Variants in CPQ observed in about 807,000 individuals in gnomAD.
CPQ encodes the protein Ser-Met dipeptidase.
A neutral mutation model predicts 45.7 loss-of-function variants in CPQ; 37 were observed. The observed-to-expected ratio is 0.81, with a 90% confidence interval of 0.62 to 1.07. The LOEUF (loss-of-function observed/expected upper bound fraction) is 1.07. Among genes scored for constraint, CPQ ranks in the 50% least tolerant of loss-of-function variants. CPQ has a pLI of 0.00. For synonymous variants in CPQ, 186 were observed against 205.8 expected (o/e 0.90, Z 0.82); for missense variants, 537 against 572.9 (o/e 0.94, Z 0.64).
intron 4 of CPQ, among the ~76,000 whole-genome samples, chr8:96,925,631 C>T (rs1268797500): frequency 6.6e-6 from 1 of 151,996 alleles, no homozygotes; most frequent in Non-Finnish European, 1.5e-5. Context: ...GATCTGCCCG[C>T]CTTGGCCTCC....
intron 5 of CPQ, among the ~76,000 whole-genome samples, chr8:96,997,395 ATAGCCTATTCATTT>A (rs1370419197): frequency 6.6e-6 from 1 of 152,008 alleles, no homozygotes; most frequent in Non-Finnish European, 1.5e-5. Context: ...ACTGTGTAAC[ATAGCCTATTCATTT>A]CAGCTACAAA....
At chr8:96,831,387 A>T (rs1414624514) in intron 2 of CPQ, among the ~76,000 whole-genome samples, 1 of 152,258 alleles carries the variant, frequency 6.6e-6, no homozygotes, top group South Asian at 2.1e-4. Context: ...GAGAGTTGCA[A>T]TTATTAATAG....
intron 1 of CPQ, among the ~76,000 whole-genome samples, chr8:96,706,315 T>C (rs934403066): frequency 2.6e-5 from 4 of 152,180 alleles, no homozygotes; most frequent in Non-Finnish European, 2.9e-5. Context: ...GTGTCTATTA[T>C]ACTGTGTGTT....
At chr8:96,947,688 T>G (rs964386918) in intron 4 of CPQ, among the ~76,000 whole-genome samples, 3 of 152,150 alleles carry the variant, frequency 2.0e-5, no homozygotes, top group Non-Finnish European at 4.4e-5. Flanking sequence ...AAATGCATTT[T>G]AAAACTTTTT....
chr8:96,917,393 C>A (rs1264008807), intron 4 of CPQ, among the ~76,000 whole-genome samples: 1 of 152,062 alleles, frequency 6.6e-6, no homozygotes, highest in African/African-American at 2.4e-5. Context: ...CCATTGGGAA[C>A]TCTTTCAGTG....
chr8:96,922,257 C>T (rs1812819434), intron 4 of CPQ, among the ~76,000 whole-genome samples: 1 of 152,168 alleles, frequency 6.6e-6, no homozygotes, highest in Non-Finnish European at 1.5e-5. Flanking sequence ...TATGACAACT[C>T]ATTCCTCCCA....
intron 1 of CPQ, among the ~76,000 whole-genome samples, chr8:96,737,812 ATCT>A (rs1197758980): frequency 1.3e-5 from 2 of 152,136 alleles, no homozygotes; most frequent in Non-Finnish European, 2.9e-5. Context: ...AAGGCTATAA[ATCT>A]TCTTTTACTT....
At chr8:96,732,882 G>A (rs1053369219) in intron 1 of CPQ, among the ~76,000 whole-genome samples, 2 of 152,056 alleles carry the variant, frequency 1.3e-5, no homozygotes, top group African/African-American at 2.4e-5. Context: ...TTAGAATTTC[G>A]TATTCTGAAG....
chr8:96,968,182 T>TTAAG (rs1207296443), intron 5 of CPQ, among the ~76,000 whole-genome samples: 1 of 152,196 alleles, frequency 6.6e-6, no homozygotes, highest in Non-Finnish European at 1.5e-5. Context: ...CCTTTACTAC[T>TTAAG]TAAGTCACCA....
At chr8:96,871,661 C>T (rs757239702) in intron 3 of CPQ, among the ~76,000 whole-genome samples, 16 of 150,852 alleles carry the variant, frequency 1.1e-4, no homozygotes, top group South Asian at 2.1e-4. Flanking sequence ...TCTCAAAGAA[C>T]CCAATGAATA....
chr8:97,098,723 G>A (rs1281267522), intron 7 of CPQ, among the ~76,000 whole-genome samples: 4 of 152,072 alleles, frequency 2.6e-5, no homozygotes, highest in Non-Finnish European at 4.4e-5. Context: ...ATACACCTCT[G>A]GAGGAAGTCT....
chr8:96,688,533 G>A (rs999090281), intron 1 of CPQ, among the ~76,000 whole-genome samples: 1 of 152,018 alleles, frequency 6.6e-6, no homozygotes, highest in African/African-American at 2.4e-5. Flanking sequence ...TGTATTTTCT[G>A]ATTTGGAAGA....
At chr8:96,678,130 G>T (rs1201765328) in intron 1 of CPQ, among the ~76,000 whole-genome samples, 3 of 151,966 alleles carry the variant, frequency 2.0e-5, no homozygotes, top group Admixed American at 2.0e-4. Context: ...TGTTCTTTTT[G>T]CTTATCTTGC....
intron 4 of CPQ, among the ~76,000 whole-genome samples, chr8:96,944,323 C>A (rs1479090869): frequency 1.3e-5 from 2 of 152,110 alleles, no homozygotes; most frequent in Non-Finnish European, 2.9e-5. Context: ...AAGTCCCCTC[C>A]AGGCAGTTCT....
chr8:96,646,433 A>C (rs1267211755), intron 1 of CPQ, among the ~76,000 whole-genome samples: 2 of 152,294 alleles, frequency 1.3e-5, no homozygotes, highest in Non-Finnish European at 2.9e-5. Flanking sequence ...CTTGTTTGTA[A>C]AACCAGGCTT....
intron 1 of CPQ, among the ~76,000 whole-genome samples, chr8:96,667,433 C>T (rs937242385): frequency 6.6e-6 from 1 of 151,192 alleles, no homozygotes; most frequent in African/African-American, 2.4e-5. Context: ...ACTGCAACCT[C>T]CGCCTCCCGG....
At chr8:96,785,720 A>G (rs1256099682) in intron 2 of CPQ, among the ~76,000 whole-genome samples, 1 of 152,214 alleles carries the variant, frequency 6.6e-6, no homozygotes, top group Non-Finnish European at 1.5e-5. Flanking sequence ...GAAATAGAGA[A>G]TAGAACTTTG....
intron 3 of CPQ, among the ~76,000 whole-genome samples, chr8:96,849,341 G>T (rs528364056): frequency 1.1e-4 from 17 of 152,208 alleles, no homozygotes; most frequent in Non-Finnish European, 2.2e-4. Context: ...GCATTTTCCA[G>T]TGACTGGCTT....
chr8:96,788,694 A>G (rs1228383999), intron 2 of CPQ, among the ~76,000 whole-genome samples: 2 of 152,052 alleles, frequency 1.3e-5, no homozygotes, highest in Non-Finnish European at 2.9e-5. Flanking sequence ...GTTTTCAGCT[A>G]TCATTTTCAC....
Sources: gnomAD v4.1 joint callset for allele counts (sites outside exome capture counted in the v4.1 genomes callset) on GRCh38, gnomAD v4.1.1 for gene constraint, MANE v1.5 for transcripts, NCBI Gene and HGNC (gene_info 2026-07-23, HGNC 2026-07-21) for gene names.